The following EPHA5 variants were observed in gnomAD, a reference collection of about 807,000 sequenced individuals.
EPHA5 encodes the protein ephrin type-A receptor 5.
EPHA5 carries 60 observed loss-of-function variants against 105.0 expected under a neutral mutation model. The observed-to-expected ratio is 0.57, with a 90% CI of 0.46 to 0.71. The LOEUF (loss-of-function observed/expected upper bound fraction) is 0.71. Among genes scored for constraint, EPHA5 ranks in the 30% least tolerant of loss-of-function variants. EPHA5 has a pLI of 0.00. For missense variants in EPHA5, 1,218 were observed against 1,274.7 expected (o/e 0.96, Z 0.68); for synonymous variants, 513 against 449.1 (o/e 1.14, Z -1.80).
intron 3 of EPHA5, among the ~76,000 whole-genome samples, chr4:65,587,605 C>T (rs1343640100): frequency 6.6e-6 from 1 of 152,010 alleles, no homozygotes; most frequent in Admixed American, 6.6e-5. Flanking sequence ...CTGGATATTC[C>T]CATAGGAAAT....
intron 5 of EPHA5, among the ~76,000 whole-genome samples, chr4:65,487,266 C>T (rs774450104): frequency 1.2e-4 from 18 of 152,190 alleles, no homozygotes; most frequent in Non-Finnish European, 4.4e-5. Context: ...TTCCTTTAAC[C>T]TCCAAGCTGC....
At chr4:65,400,966 G>T (rs933751808) in intron 8 of EPHA5, among the ~76,000 whole-genome samples, 7 of 151,896 alleles carry the variant, frequency 4.6e-5, no homozygotes, top group Admixed American at 3.3e-4. Flanking sequence ...AAATATCTGG[G>T]TTATCATATC....
At chr4:65,384,197 A>G (rs1377491567) in intron 8 of EPHA5, among the ~76,000 whole-genome samples, 1 of 151,544 alleles carries the variant, frequency 6.6e-6, no homozygotes, top group Non-Finnish European at 1.5e-5. Context: ...TTTCCATCAT[A>G]CTCTCCCGAC....
chr4:65,584,029 A>G (rs1560733722), intron 3 of EPHA5, among the ~76,000 whole-genome samples: 2 of 151,726 alleles, frequency 1.3e-5, no homozygotes, highest in African/African-American at 2.4e-5. Context: ...TTAATAACCA[A>G]TTTGAAAAAA....
At chr4:65,375,034 T>G (rs1224175676) in intron 8 of EPHA5, among the ~76,000 whole-genome samples, 2 of 151,922 alleles carry the variant, frequency 1.3e-5, no homozygotes, top group African/African-American at 4.8e-5. Context: ...TTGTAGTAAT[T>G]TGAAATTATA....
At chr4:65,610,562 C>G (rs557151765) in intron 2 of EPHA5, among the ~76,000 whole-genome samples, 1 of 151,310 alleles carries the variant, frequency 6.6e-6, no homozygotes, top group African/African-American at 2.4e-5. Context: ...ATTAATTAAA[C>G]AAATAAAATG....
chr4:65,637,686 A>G (rs950521455), intron 2 of EPHA5, among the ~76,000 whole-genome samples: 5 of 150,730 alleles, frequency 3.3e-5, no homozygotes, highest in Admixed American at 1.3e-4. Flanking sequence ...AGGAAAGGAT[A>G]TTTACTGACT....
chr4:65,577,578 C>A (rs1435608637), intron 3 of EPHA5, among the ~76,000 whole-genome samples: 4 of 152,052 alleles, frequency 2.6e-5, no homozygotes, highest in Non-Finnish European at 4.4e-5. Flanking sequence ...TAATTTAAAT[C>A]TAATTTACTT....
intron 3 of EPHA5, among the ~76,000 whole-genome samples, chr4:65,507,774 T>TG (rs1318353031): frequency 6.6e-6 from 1 of 152,140 alleles, no homozygotes; most frequent in Non-Finnish European, 1.5e-5. Flanking sequence ...GCTGAGATGA[T>TG]GGGGTTTTAT....
chr4:65,371,580 G>A (rs1305173275), intron 8 of EPHA5, among the ~76,000 whole-genome samples: 1 of 152,008 alleles, frequency 6.6e-6, no homozygotes, highest in Non-Finnish European at 1.5e-5. Context: ...TAGTTCTTGA[G>A]TATAAATTTG....
chr4:65,430,941 T>G (rs1239893825), intron 5 of EPHA5, among the ~76,000 whole-genome samples: 1 of 152,118 alleles, frequency 6.6e-6, no homozygotes, highest in Non-Finnish European at 1.5e-5. Flanking sequence ...CTAAGCAACT[T>G]TTTATTGCAC....
chr4:65,434,083 C>T (rs888141343), intron 5 of EPHA5, among the ~76,000 whole-genome samples: 6 of 151,900 alleles, frequency 3.9e-5, no homozygotes, highest in African/African-American at 1.4e-4. Context: ...AAAAATAGCA[C>T]TTTAACTCTA....
chr4:65,333,240 A>G (rs1027793724), intron 15 of EPHA5, among the ~76,000 whole-genome samples: 4 of 151,748 alleles, frequency 2.6e-5, no homozygotes, highest in Non-Finnish European at 5.9e-5. Context: ...AATTGCAACT[A>G]TAAGAAAAAG....
Position 65,643,344 on chromosome 4 carries a change from A to G in EPHA5, c.246+19T>C, listed in dbSNP as rs745989235. The G allele has an allele frequency of 2.5e-6, 4 of 1,602,638 alleles. No individual in the cohort carries two copies. Among genetic ancestry groups the G allele is most frequent in the Non-Finnish European group, 3.4e-6 (4 of 1,169,736 alleles). ...TACGCACATAGCTTAAGTTTTAGAAAAACTTTCATAAAACTTACCCCATTT... is the reference window on the plus strand; with the variant it reads ...TACGCACATAGCTTAAGTTTTAGAAGAACTTTCATAAAACTTACCCCATTT... On this transcript the variant is annotated intron_variant, in intron 2 of 16. Transcript: ENST00000613740.
chr4:65,651,637 T>A (rs1467088644), intron 1 of EPHA5, among the ~76,000 whole-genome samples: 2 of 152,210 alleles, frequency 1.3e-5, no homozygotes, highest in Admixed American at 1.3e-4. Flanking sequence ...CTTTTTTATT[T>A]CAAAATATTT....
intron 5 of EPHA5, among the ~76,000 whole-genome samples, chr4:65,454,901 C>T (rs1578152405): frequency 6.6e-6 from 1 of 152,142 alleles, no homozygotes; most frequent in African/African-American, 2.4e-5. Context: ...TCTTTTCTTT[C>T]TCACCTCTGA....
chr4:65,382,993 A>G (rs2148934158), intron 8 of EPHA5, among the ~76,000 whole-genome samples: 1 of 150,542 alleles, frequency 6.6e-6, no homozygotes, highest in South Asian at 2.1e-4. Context: ...TTCTTTGGTA[A>G]GTATGTATAT....
intron 1 of EPHA5, among the ~76,000 whole-genome samples, chr4:65,664,015 T>C (rs572034785): frequency 2.4e-3 from 369 of 152,074 alleles, no homozygotes; most frequent in African/African-American, 8.5e-3. Context: ...AATTTATATT[T>C]AAAATTGCTA....
chr4:65,657,324 A>T (rs1281006463), intron 1 of EPHA5, among the ~76,000 whole-genome samples: 1 of 152,122 alleles, frequency 6.6e-6, no homozygotes, highest in African/African-American at 2.4e-5. Flanking sequence ...GGCAAAAAAA[A>T]TTTATGTTAT....
Sources: allele counts gnomAD v4.1 joint callset (sites outside exome capture counted in the v4.1 genomes callset), GRCh38; gene constraint gnomAD v4.1.1; transcripts MANE v1.5; gene names NCBI Gene and HGNC (gene_info 2026-07-23, HGNC 2026-07-21).